ARHGEF1: variants seen among roughly 807,000 people sequenced by gnomAD.
ARHGEF1 encodes 115 kDa guanine nucleotide exchange factor.
ARHGEF1 carries 40 observed loss-of-function variants against 119.7 expected under a neutral mutation model. The ratio of observed to expected loss-of-function variants is 0.33; its 90% CI spans 0.26 to 0.44. The LOEUF (loss-of-function observed/expected upper bound fraction) is 0.44, where lower values mean the gene tolerates loss of function less well. Among genes scored for constraint, ARHGEF1 ranks in the 20% least tolerant of loss-of-function variants. The pLI is 1.00. For missense variants in ARHGEF1, 976 were observed against 1,268.3 expected (o/e 0.77, Z 3.50); for synonymous variants, 494 against 521.0 (o/e 0.95, Z 0.71).
At chr19:41,908,549 G>C (rs1366652189), downstream of ARHGEF1, 21 of 1,231,690 alleles carry the variant, frequency 1.7e-5, no homozygotes, top group East Asian at 2.2e-4. The surrounding 1 kb of genome is among the most constrained non-coding windows in gnomAD (Gnocchi z 6.7). Context: ...AGAAATGCGG[G>C]GGGTAGAGAG....
rs1313653141 is a variant in ARHGEF1 at position 41,894,135 on chromosome 19, A to AGAGTGTGTGTGT, written c.645-71_645-70insAGTGTGTGTGTG. 9 of 486,092 alleles carry AGAGTGTGTGTGT rather than the reference A, an allele frequency of 1.9e-5. No homozygotes were observed. In the African/African-American group the frequency reaches 1.9e-4, roughly 10 times the overall value. The allele number at this position is 486,092 out of a possible 1,614,324, so 30.1% of individuals were successfully genotyped here. On this transcript the variant is annotated intron_variant, in intron 8 of 28. Coordinates refer to ENST00000354532, the MANE Select transcript of ARHGEF1 (RefSeq NM_004706.4). ...GGGAGAGAGAGAGAGTGTGTGTGTG[A>AGAGTGTGTGTGT]GTGTGTGTGTGTGTGTGTGTGTGTG...
chr19:41,896,298 C>T (rs2074484317), intron 12 of ARHGEF1, 79 bp from the exon 13 acceptor site: 3 of 679,716 alleles, frequency 4.4e-6, no homozygotes, highest in East Asian at 6.1e-5. Context: ...GCTTTAGCCC[C>T]CGCAATTCCA....
chr19:41,915,935 C>A (rs1555851919), intron 18 of ARHGEF1, among the ~76,000 whole-genome samples: 1 of 152,120 alleles, frequency 6.6e-6, no homozygotes, highest in East Asian at 1.9e-4. Context: ...ATCCCCCACC[C>A]CCCTCCCCCC....
upstream of ARHGEF1, among the ~76,000 whole-genome samples, chr19:41,921,253 T>G (rs1599679439): frequency 2.7e-5 from 4 of 146,156 alleles, no homozygotes; most frequent in Admixed American, 6.8e-5. The surrounding 1 kb of genome is among the most constrained non-coding windows in gnomAD (Gnocchi z 4.4). Context: ...GAGGTTGGGG[T>G]GGGGGGCACA....
exon 3 of ARHGEF1, chr19:41,929,898 G>T (rs10409822): frequency 6.6e-6 from 1 of 152,036 alleles, no homozygotes; most frequent in Non-Finnish European, 1.5e-5. Flanking sequence ...GCCTGACAGA[G>T]AAGGTTCAGC....
chr19:41,913,428 C>T (rs1473762815), intron 18 of ARHGEF1, among the ~76,000 whole-genome samples: 2 of 151,884 alleles, frequency 1.3e-5, no homozygotes, highest in Non-Finnish European at 2.9e-5. Flanking sequence ...AACTTGCCCC[C>T]ACACCCGCCC....
Position 41,889,332 on chromosome 19 carries a change from C to T in ARHGEF1, c.225+467C>T, listed in dbSNP as rs150046684. The T allele has an allele frequency of 6.2e-3, 975 of 157,064 alleles. 11 individuals are homozygous for T. The highest frequency in any genetic ancestry group is 0.018 in the African/African-American group (745 of 41,684). 9.7% of individuals were successfully genotyped at this position (157,064 alleles called of 1,614,324 possible). Reference sequence around the variant, plus strand: ...TTAGCCATCCCAGGTCTAGGGAGCACAGCAGGCCCTGATCTGGAAACAAGA... The same window carrying T: ...TTAGCCATCCCAGGTCTAGGGAGCATAGCAGGCCCTGATCTGGAAACAAGA... On this transcript the variant is annotated intron_variant, in intron 4 of 28. Transcript: ENST00000354532. The surrounding 1 kb of genome is among the most constrained non-coding windows in gnomAD (Gnocchi z 4.0).
At chr19:41,884,094 G>C (rs1349206225) in intron 1 of ARHGEF1, among the ~76,000 whole-genome samples, 1 of 152,166 alleles carries the variant, frequency 6.6e-6, no homozygotes, top group Non-Finnish European at 1.5e-5. Context: ...GCCCCAGTCC[G>C]CCGTCCGAGT....
At position 41,895,389 on chromosome 19, in the gene ARHGEF1, G is replaced by A. The variant is rs181351585; in HGVS notation, c.918G>A (p.Gly306=). 2.8e-4 allele frequency: 445 copies of A among 1,612,594 alleles called. 3 individuals carry two copies. In the Middle Eastern group the frequency reaches 7.8e-3, roughly 28 times the overall value. ...PGATDRKGGV[G]MPSRDRNIGA... is the part of the protein sequence containing the mutation. The stretch of plus-strand genomic sequence containing the variant: ...CTACAGACCGGAAGGGAGGCGTGGG[G>A]ATGCCCTCTCGGGACCGGAATATCG... Residue 306 remains glycine, a synonymous_variant, in exon 12 of 29, where the codon GGG becomes GGA. Coordinates refer to ENST00000354532, the MANE Select transcript of ARHGEF1 (RefSeq NM_004706.4).
rs1451376642 is a variant in ARHGEF1, at chr19:41,893,060, G to A, written c.614+211G>A. On this transcript the variant is annotated intron_variant, in intron 7 of 28. Coordinates refer to ENST00000354532, the MANE Select transcript of ARHGEF1 (RefSeq NM_004706.4). Reference sequence around the variant, plus strand: ...CTTTGGGGTTCCCTTGTCATTTCTGGGTCTTGTCCATGATCTGGCACTTGG... The same window carrying A: ...CTTTGGGGTTCCCTTGTCATTTCTGAGTCTTGTCCATGATCTGGCACTTGG... 11 of 1,028,108 alleles carry A rather than the reference G, an allele frequency of 1.1e-5. No individual in the cohort carries two copies. In the East Asian group the frequency reaches 2.7e-4, roughly 25 times the overall value. The allele number at this position is 1,028,108 out of a possible 1,614,324, so 63.7% of individuals were successfully genotyped here.
downstream of ARHGEF1, among the ~76,000 whole-genome samples, chr19:41,910,405 CAGTG>C (rs1302378138): frequency 3.3e-4 from 50 of 152,240 alleles, 1 homozygote; most frequent in East Asian, 9.1e-3. This position sits in a 1 kb window ranked among gnomAD's most constrained non-coding sequence, Gnocchi z 4.4. Flanking sequence ...GCACCCATGA[CAGTG>C]AGGAGGAATG....
Position 41,902,239 on chromosome 19 carries a change from C to G in ARHGEF1, c.1415-35C>G. On this transcript the variant is annotated intron_variant, in intron 15 of 28. Coordinates refer to ENST00000354532, the MANE Select transcript of ARHGEF1 (RefSeq NM_004706.4). This position sits in a 1 kb window ranked among gnomAD's most constrained non-coding sequence, Gnocchi z 6.5. ...AGGCCCCGCACAGCATCTTCCAGAC[C>G]CTGGTGGAGCATCCCTTTCCTCCTG... The G allele has an allele frequency of 6.2e-7, 1 of 1,612,554 alleles. No individual in the cohort carries two copies. Among genetic ancestry groups the G allele is most frequent in the Non-Finnish European group, 8.5e-7 (1 of 1,178,974 alleles).
chr19:41,884,176 C>T (rs1486080612), intron 1 of ARHGEF1, among the ~76,000 whole-genome samples: 2 of 151,932 alleles, frequency 1.3e-5, no homozygotes, highest in East Asian at 3.9e-4. Context: ...CACCTCCGGG[C>T]GCGGGGCGGG....
intron 18 of ARHGEF1, among the ~76,000 whole-genome samples, chr19:41,913,305 C>A (rs1302798102): frequency 6.9e-6 from 1 of 144,160 alleles, no homozygotes; most frequent in Non-Finnish European, 1.5e-5. Context: ...ACCGTCTCTG[C>A]TGCCGTCTCC....
At chr19:41,914,568 T>C (rs1327923728) in intron 18 of ARHGEF1, among the ~76,000 whole-genome samples, 8 of 42,712 alleles carry the variant, frequency 1.9e-4, no homozygotes, top group Middle Eastern at 0.017. Context: ...CCACCATCTC[T>C]GTCTCCGTCT....
At chr19:41,908,132 G>A, downstream of ARHGEF1, 3 of 1,002,166 alleles carry the variant, frequency 3.0e-6, no homozygotes, top group African/African-American at 1.7e-5. This position sits in a 1 kb window ranked among gnomAD's most constrained non-coding sequence, Gnocchi z 6.7. Context: ...CCTGGGAGGT[G>A]CTGAGGGCTG....
At chr19:41,913,809 A>C in intron 18 of ARHGEF1, among the ~76,000 whole-genome samples, 1 of 102,206 alleles carries the variant, frequency 9.8e-6, no homozygotes, top group Non-Finnish European at 2.0e-5. Context: ...CTCCACACAC[A>C]CACCCTTGCA....
chr19:41,893,163 T>G (rs782659859), intron 7 of ARHGEF1, 111 bp from the exon 8 acceptor site: 1 of 1,442,222 alleles, frequency 6.9e-7, no homozygotes, highest in South Asian at 1.3e-5. Context: ...GTCCCCTCTC[T>G]GTCTCTCTTC....
At chr19:41,921,900 C>T (rs2074844384), upstream of ARHGEF1, among the ~76,000 whole-genome samples, 1 of 151,720 alleles carries the variant, frequency 6.6e-6, no homozygotes, top group African/African-American at 2.4e-5. The surrounding 1 kb of genome is among the most constrained non-coding windows in gnomAD (Gnocchi z 4.4). Flanking sequence ...TCATCTCCAC[C>T]AGGCCCCACC....
Sources: allele counts gnomAD v4.1 joint callset (sites outside exome capture counted in the v4.1 genomes callset), GRCh38; gene constraint gnomAD v4.1.1; non-coding constraint Gnocchi (gnomAD v3.1); transcripts MANE v1.5; gene names NCBI Gene and HGNC (gene_info 2026-07-23, HGNC 2026-07-21).